TTLL5: variants seen among roughly 807,000 people sequenced by gnomAD.
TTLL5 encodes tubulin polyglutamylase TTLL5.
Under a neutral mutation model 168.4 loss-of-function variants are expected in TTLL5, and 132 were observed. The observed-to-expected ratio is 0.78, with a 90% CI of 0.68 to 0.91. The LOEUF is 0.91. TTLL5 is among the 40% of genes least tolerant of loss of function. TTLL5 has a pLI of 0.00. For missense variants in TTLL5, 1,545 were observed against 1,581.5 expected (o/e 0.98, Z 0.39); for synonymous variants, 546 against 558.6 (o/e 0.98, Z 0.32).
chr14:75,804,052 G>A (rs1893502265), intron 27 of TTLL5, among the ~76,000 whole-genome samples: 1 of 152,218 alleles, frequency 6.6e-6, no homozygotes, highest in Non-Finnish European at 1.5e-5. Context: ...CGAATGTGCT[G>A]TGTCAGTCTC....
intron 29 of TTLL5, among the ~76,000 whole-genome samples, chr14:75,873,751 C>T (rs546076077): frequency 6.6e-6 from 1 of 152,126 alleles, no homozygotes; most frequent in East Asian, 1.9e-4. Flanking sequence ...TACATCTTGG[C>T]TATTGTGAAT....
At chr14:75,821,826 G>A (rs1894848942) in intron 28 of TTLL5, among the ~76,000 whole-genome samples, 1 of 152,090 alleles carries the variant, frequency 6.6e-6, no homozygotes, top group Non-Finnish European at 1.5e-5. Flanking sequence ...ACCCATTCCA[G>A]CCAAAAAGCA....
intron 28 of TTLL5, among the ~76,000 whole-genome samples, chr14:75,851,088 C>T (rs1326381180): frequency 1.2e-5 from 1 of 86,268 alleles, no homozygotes. Flanking sequence ...AGAGTGAGAC[C>T]TTGTCTCAAA....
At chr14:75,671,263 A>G (rs1205399065) in intron 3 of TTLL5, among the ~76,000 whole-genome samples, 1 of 152,196 alleles carries the variant, frequency 6.6e-6, no homozygotes, top group Non-Finnish European at 1.5e-5. Flanking sequence ...TGAACTATAC[A>G]TTTATCCTTA....
chr14:75,694,759 A>C (rs1023902800), intron 6 of TTLL5, among the ~76,000 whole-genome samples: 7 of 152,222 alleles, frequency 4.6e-5, no homozygotes, highest in African/African-American at 1.7e-4. Flanking sequence ...ATAATTTCTT[A>C]CGCCTATCTT....
intron 31 of TTLL5, among the ~76,000 whole-genome samples, chr14:75,907,040 G>C (rs1422451314): frequency 5.3e-5 from 8 of 152,192 alleles, no homozygotes; most frequent in African/African-American, 1.9e-4. Context: ...ATATTTGAAG[G>C]TAAAGTTGCA....
At chr14:75,738,300 G>C (rs1353255807) in intron 15 of TTLL5, among the ~76,000 whole-genome samples, 1 of 152,060 alleles carries the variant, frequency 6.6e-6, no homozygotes. Context: ...TTAGTATGAG[G>C]GATATAGATA....
chr14:75,662,660 G>A (rs563172995), intron 1 of TTLL5, among the ~76,000 whole-genome samples: 1 of 152,234 alleles, frequency 6.6e-6, no homozygotes, highest in African/African-American at 2.4e-5. Flanking sequence ...TAAACCTTGA[G>A]TTTTTATTTA....
chr14:75,921,807 T>C (rs2033834039), intron 31 of TTLL5, among the ~76,000 whole-genome samples: 1 of 152,210 alleles, frequency 6.6e-6, no homozygotes, highest in African/African-American at 2.4e-5. Context: ...AATCTATAAA[T>C]TACCTTGGGC....
intron 31 of TTLL5, among the ~76,000 whole-genome samples, chr14:75,942,977 G>A (rs1014979660): frequency 1.3e-5 from 2 of 152,148 alleles, no homozygotes; most frequent in African/African-American, 2.4e-5. Context: ...TATAAAGACA[G>A]TATTATCTGT....
intron 21 of TTLL5, 92 bp downstream of exon 21, chr14:75,771,946 A>G: frequency 7.1e-7 from 1 of 1,410,056 alleles, no homozygotes; most frequent in Non-Finnish European, 9.5e-7. Flanking sequence ...GTAAAGTGCG[A>G]TATTTTTCTG....
In TTLL5 at chr14:75,775,513, A is replaced by G. The variant is rs541700043; in HGVS notation, c.2166A>G (p.Ala722=). Residue 722 remains alanine, a synonymous_variant, in exon 22 of 32, where the codon GCA becomes GCG. Transcript: ENST00000298832. ...TGGTTGTTCGTTTCCTCAAGCGAGC[A>G]TCAAATAACCTCCAGCATTCACTGA... ...MELVVRFLKR[A]SNNLQHSLRM... 7.4e-6 allele frequency: 12 copies of G among 1,613,980 alleles called. No homozygotes were observed. The Admixed American group carries it at 1.5e-4, about 20-fold the overall frequency.
At chr14:75,851,686 G>T (rs1043013048) in intron 28 of TTLL5, among the ~76,000 whole-genome samples, 1 of 152,174 alleles carries the variant, frequency 6.6e-6, no homozygotes, top group Non-Finnish European at 1.5e-5. Context: ...CTCTCTGGCG[G>T]GTGAGACTGG....
chr14:75,751,120 G>A (rs932918020), intron 17 of TTLL5, among the ~76,000 whole-genome samples: 8 of 152,140 alleles, frequency 5.3e-5, no homozygotes, highest in African/African-American at 1.9e-4. Flanking sequence ...ACACACTGCT[G>A]TCACTTGCTC....
rs1245375188 is a variant in TTLL5, at chr14:75,925,157, C to T, written c.3823+22933C>T. ...GGGTGGCTGACCCCCCCACCTCCCT[C>T]CCGGACGGGGCGGCTGGCCTGGCGG... On this transcript the variant is annotated intron_variant, in intron 31 of 31. Coordinates refer to ENST00000298832, the MANE Select transcript of TTLL5 (RefSeq NM_015072.5). Among the ~76,000 whole-genome samples the T allele has an allele frequency of 7.4e-5, 11 of 148,172 alleles. No individual in the cohort carries two copies. In the East Asian group the frequency reaches 2.3e-3, roughly 31 times the overall value.
chr14:75,801,944 C>G (rs1417467476), intron 27 of TTLL5, among the ~76,000 whole-genome samples: 1 of 152,086 alleles, frequency 6.6e-6, no homozygotes, highest in African/African-American at 2.4e-5. Flanking sequence ...GAGTTAGGGC[C>G]TGAAAACTTA....
intron 9 of TTLL5, among the ~76,000 whole-genome samples, chr14:75,716,110 A>G (rs1887443931): frequency 6.6e-6 from 1 of 152,182 alleles, no homozygotes; most frequent in Admixed American, 6.5e-5. Flanking sequence ...ACAAGAATTC[A>G]GAGAATGACA....
intron 29 of TTLL5, among the ~76,000 whole-genome samples, chr14:75,879,068 C>T (rs2031661447): frequency 6.6e-6 from 1 of 152,148 alleles, no homozygotes; most frequent in Admixed American, 6.6e-5. Flanking sequence ...CACCTTTCTA[C>T]TAGTCACTGT....
intron 9 of TTLL5, chr14:75,709,064 G>A (rs892094727): frequency 1.7e-5 from 11 of 653,436 alleles, no homozygotes; most frequent in African/African-American, 1.6e-4. Context: ...GCAGCCTGTG[G>A]GCCTCAGGTT....
Sources: allele counts gnomAD v4.1 joint callset (sites outside exome capture counted in the v4.1 genomes callset), GRCh38; gene constraint gnomAD v4.1.1; transcripts MANE v1.5; gene names NCBI Gene and HGNC (gene_info 2026-07-23, HGNC 2026-07-21).